Variants in TTC27 observed in about 807,000 individuals in gnomAD.
TTC27 encodes tetratricopeptide repeat domain 27.
TTC27 carries 79 observed loss-of-function variants against 115.9 expected under a neutral mutation model. The observed-to-expected ratio is 0.68, with a 90% CI of 0.57 to 0.82. TTC27 has a LOEUF of 0.82. Among genes scored for constraint, TTC27 ranks in the 40% least tolerant of loss-of-function variants. TTC27 has a pLI of 0.00. For missense variants in TTC27, 1,054 were observed against 993.1 expected (o/e 1.06, Z -0.82); for synonymous variants, 401 against 356.0 (o/e 1.13, Z -1.42).
chr2:32,763,547 A>G lies in TTC27; in HGVS notation c.1680+5028A>G, dbSNP rs17445421. Among the ~76,000 whole-genome samples, 960 of 152,358 alleles carry G rather than the reference A, an allele frequency of 6.3e-3. 3 individuals carry two copies. The highest frequency in any genetic ancestry group is 0.011 in the Non-Finnish European group (727 of 68,022). Reference sequence around the variant, plus strand: ...GTTAGGGGGAAAAAGGCTATTGTCCATCTTTTAGATTTAAGCGCATTTTAA... The same window carrying G: ...GTTAGGGGGAAAAAGGCTATTGTCCGTCTTTTAGATTTAAGCGCATTTTAA... On this transcript the variant is annotated intron_variant, in intron 13 of 19. Coordinates refer to ENST00000317907, the MANE Select transcript of TTC27 (RefSeq NM_017735.5).
chr2:32,674,074 C>G (rs1427411337), intron 8 of TTC27, among the ~76,000 whole-genome samples: 1 of 152,028 alleles, frequency 6.6e-6, no homozygotes, highest in Non-Finnish European at 1.5e-5. Flanking sequence ...AAATAGAATC[C>G]CTCACAAAGC....
At chr2:32,736,931 C>G (rs1182710316) in intron 12 of TTC27, 115 bp downstream of exon 12, 1 of 1,362,570 alleles carries the variant, frequency 7.3e-7, no homozygotes, top group Non-Finnish European at 9.8e-7. Flanking sequence ...TTCCTTTTTT[C>G]ACTTTTTTTC....
intron 9 of TTC27, among the ~76,000 whole-genome samples, 154 bp downstream of exon 9, chr2:32,679,076 T>G (rs946698182): frequency 2.6e-5 from 4 of 152,196 alleles, no homozygotes; most frequent in Non-Finnish European, 5.9e-5. Context: ...AAGTCACATG[T>G]ATCTTGCTGC....
chr2:32,665,680 G>A (rs573893246), intron 6 of TTC27, among the ~76,000 whole-genome samples: 1 of 152,186 alleles, frequency 6.6e-6, no homozygotes, highest in Non-Finnish European at 1.5e-5. Context: ...AGATCATGAG[G>A]TCAGGAGATC....
intron 4 of TTC27, among the ~76,000 whole-genome samples, chr2:32,641,539 G>A (rs924351671): frequency 6.6e-6 from 1 of 152,234 alleles, no homozygotes; most frequent in African/African-American, 2.4e-5. Context: ...TTTGCGCACA[G>A]GCTGTGCCTG....
intron 16 of TTC27, among the ~76,000 whole-genome samples, chr2:32,810,749 GAAGAGCC>G (rs943623427): frequency 6.6e-6 from 1 of 152,264 alleles, no homozygotes. Context: ...TTCCAGGTGA[GAAGAGCC>G]AAGCACCAAA....
In TTC27 at chr2:32,725,273, C is replaced by T. The variant is rs184351390; in HGVS notation, c.1234-8555C>T. ...CTCATTTCAGCATTAACTCAAAAGT[C>T]CACATTCCGAAGTCTCATCCAAGAC... On this transcript the variant is annotated intron_variant, in intron 10 of 19. Coordinates refer to ENST00000317907, the MANE Select transcript of TTC27 (RefSeq NM_017735.5). Among the ~76,000 whole-genome samples the T allele has an allele frequency of 1.4e-4, 22 of 152,260 alleles. No individual in the cohort carries two copies. In the East Asian group the frequency reaches 4.2e-3, roughly 29 times the overall value.
chr2:32,747,925 G>T (rs1167017693), intron 12 of TTC27, among the ~76,000 whole-genome samples: 2 of 151,524 alleles, frequency 1.3e-5, no homozygotes, highest in African/African-American at 2.4e-5. Context: ...TTGGTTTTTT[G>T]ATTTTCTCTA....
At chr2:32,808,538 C>T (rs923108241) in intron 16 of TTC27, among the ~76,000 whole-genome samples, 6 of 152,164 alleles carry the variant, frequency 3.9e-5, no homozygotes, top group Admixed American at 3.9e-4. Flanking sequence ...CCCCTGTCTA[C>T]CCCCCACAAC....
intron 10 of TTC27, among the ~76,000 whole-genome samples, chr2:32,709,232 A>T (rs1464103220): frequency 6.6e-6 from 1 of 152,222 alleles, no homozygotes; most frequent in Non-Finnish European, 1.5e-5. Context: ...AATACCCCTT[A>T]ACTGTGAGCT....
intron 9 of TTC27, among the ~76,000 whole-genome samples, chr2:32,700,211 TCTTA>T (rs1489517209): frequency 1.3e-5 from 2 of 152,164 alleles, no homozygotes; most frequent in Non-Finnish European, 2.9e-5. Context: ...CTTTACTTAT[TCTTA>T]CTTACTTAAT....
chr2:32,735,875 T>A (rs1488105129), intron 11 of TTC27, among the ~76,000 whole-genome samples: 1 of 152,050 alleles, frequency 6.6e-6, no homozygotes, highest in African/African-American at 2.4e-5. Context: ...CATTATTTAT[T>A]TTGATAATCT....
At chr2:32,817,882 C>T (rs185851395) in intron 19 of TTC27, among the ~76,000 whole-genome samples, 1 of 152,026 alleles carries the variant, frequency 6.6e-6, no homozygotes, top group Non-Finnish European at 1.5e-5. Context: ...ATGGTGAAAC[C>T]CCATCTCTAC....
Position 32,758,394 on chromosome 2 carries a change from T to C in TTC27, c.1555T>C (p.Trp519Arg), listed in dbSNP as rs1439906238. The C allele has an allele frequency of 1.9e-6, 3 of 1,614,228 alleles. No individual in the cohort carries two copies. In the Admixed American group the frequency reaches 5.0e-5, roughly 27 times the overall value. Residue 519 changes from tryptophan to arginine, a missense_variant, in exon 13 of 20, where the codon TGG becomes CGG. Trp to Arg is a moderately radical substitution (Grantham distance 101). Coordinates refer to ENST00000317907, the MANE Select transcript of TTC27 (RefSeq NM_017735.5). ...AGACCATTCTTGCTATGACAAGGCC[T>C]GGGAGTTGTCCCGGTACCGCAGTGC... The part of the protein sequence containing the change: ...LGDHSCYDKA[W>R]ELSRYRSARA...
intron 12 of TTC27, among the ~76,000 whole-genome samples, chr2:32,737,384 A>T (rs570928498): frequency 6.6e-6 from 1 of 152,178 alleles, no homozygotes; most frequent in African/African-American, 2.4e-5. Flanking sequence ...GGGGCTCTGC[A>T]TTGTTAGTCA....
At chr2:32,783,575 T>G (rs1350321731) in intron 15 of TTC27, among the ~76,000 whole-genome samples, 2 of 152,214 alleles carry the variant, frequency 1.3e-5, no homozygotes, top group East Asian at 3.8e-4. Flanking sequence ...AGTGTGGTAA[T>G]CTCATGAAGA....
chr2:32,798,675 A>G (rs1175373159), intron 16 of TTC27, among the ~76,000 whole-genome samples: 1 of 148,450 alleles, frequency 6.7e-6, no homozygotes, highest in Non-Finnish European at 1.5e-5. Context: ...ACTGCACTCC[A>G]GCCTGGGCAA....
At chr2:32,634,088 A>G (rs1007748763) in intron 3 of TTC27, 83 bp downstream of exon 3, 27 of 1,436,462 alleles carry the variant, frequency 1.9e-5, no homozygotes, top group Non-Finnish European at 2.4e-5. Context: ...TGGAACTCAT[A>G]GTAGGAAAGA....
At chr2:32,727,136 G>GA (rs201649113) in intron 10 of TTC27, among the ~76,000 whole-genome samples, 3,048 of 152,036 alleles carry the variant, frequency 0.02, 41 homozygotes, top group Middle Eastern at 0.075. Context: ...GAACTTCCAA[G>GA]AAAAAAATGA....
Sources: allele counts gnomAD v4.1 joint callset (sites outside exome capture counted in the v4.1 genomes callset), GRCh38; gene constraint gnomAD v4.1.1; transcripts MANE v1.5; gene names NCBI Gene and HGNC (gene_info 2026-07-23, HGNC 2026-07-21).